The following NAA60 variants were observed in gnomAD, a reference collection of about 807,000 sequenced individuals.
NAA60 encodes the protein N-alpha-acetyltransferase 60, NatF catalytic subunit.
NAA60 carries 8 observed loss-of-function variants against 26.1 expected under a neutral mutation model. That is an observed-to-expected ratio of 0.31 (90% CI 0.18 to 0.55). The LOEUF is 0.55. Ranked by LOEUF, NAA60 falls within the 20% of genes least tolerant of loss-of-function variation. The probability of loss-of-function intolerance (pLI) is 0.93; values close to 1 mark genes in which losing one functional copy is unlikely to be tolerated. For missense variants in NAA60, 290 were observed against 311.3 expected (o/e 0.93, Z 0.51); for synonymous variants, 131 against 122.5 (o/e 1.07, Z -0.46).
rs1209043102 is a variant in NAA60, at chr16:3,458,010, G to T, written c.-7+9470G>T. 1.1e-5 allele frequency: 11 copies of T among 985,382 alleles called. No homozygotes were observed. In the Admixed American group the frequency reaches 1.8e-4, roughly 17 times the overall value. The allele number at this position is 985,382 out of a possible 1,614,324, so 61.0% of individuals were successfully genotyped here. A position where few individuals can be genotyped will look rare whatever the true frequency, so the allele number is the denominator to read the frequency against. The stretch of plus-strand genomic sequence containing the variant: ...AATGGGCTTCCGGGCTGCGCTGCCG[G>T]CAGGGAGCGGGAGGCGGAAGTGCCG... On this transcript the variant is annotated intron_variant, in intron 2 of 7. Coordinates refer to ENST00000407558, the MANE Select transcript of NAA60 (RefSeq NM_001083601.3).
chr16:3,457,484 C>G (rs1052685253), intron 2 of NAA60, among the ~76,000 whole-genome samples: 1 of 152,174 alleles, frequency 6.6e-6, no homozygotes, highest in Non-Finnish European at 1.5e-5. Flanking sequence ...TTATAGAACC[C>G]CTACAACCGG....
intron 5 of NAA60, 108 bp downstream of exon 5, chr16:3,482,706 C>G (rs911934481): frequency 1.9e-5 from 15 of 781,230 alleles, no homozygotes; most frequent in Non-Finnish European, 2.8e-5. Flanking sequence ...AACTCTGGCT[C>G]GTGAACATCC....
chr16:3,447,084 G>T (rs554416137), intron 1 of NAA60, among the ~76,000 whole-genome samples: 2 of 152,298 alleles, frequency 1.3e-5, no homozygotes, highest in South Asian at 2.1e-4. Context: ...CTTGTGATCT[G>T]CCCGCCTTGG....
intron 1 of NAA60, 80 bp from the exon 2 acceptor site, chr16:3,448,391 C>T (rs2034641320): frequency 8.4e-7 from 1 of 1,186,900 alleles, no homozygotes; most frequent in Admixed American, 2.3e-5. Context: ...CAGGGTTTGT[C>T]TGACACTCAT....
At chr16:3,469,388 A>G (rs376038795) in intron 2 of NAA60, among the ~76,000 whole-genome samples, 4 of 129,240 alleles carry the variant, frequency 3.1e-5, no homozygotes, top group Admixed American at 8.1e-5. Flanking sequence ...CCTGCCTGGC[A>G]GGGCCTGTCT....
intron 3 of NAA60, among the ~76,000 whole-genome samples, 187 bp downstream of exon 3, chr16:3,476,524 C>A (rs1017575487): frequency 2.0e-5 from 3 of 152,180 alleles, no homozygotes; most frequent in Admixed American, 1.3e-4. Context: ...CTCTTTCCAC[C>A]TCTCAGGGTG....
intron 7 of NAA60, 49 bp from the exon 8 acceptor site, chr16:3,485,418 A>C (rs976760827): frequency 2.2e-6 from 1 of 461,552 alleles, no homozygotes; most frequent in Non-Finnish European, 4.3e-6. Flanking sequence ...GGGTGGGCAG[A>C]GTGTCTCCGC....
intron 2 of NAA60, among the ~76,000 whole-genome samples, chr16:3,453,430 A>G (rs1325991839): frequency 6.6e-6 from 1 of 151,118 alleles, no homozygotes. Context: ...TTTTTTTTTG[A>G]GACAGAGTTT....
intron 1 of NAA60, among the ~76,000 whole-genome samples, chr16:3,444,289 G>A (rs1462881699): frequency 2.0e-5 from 3 of 152,252 alleles, no homozygotes; most frequent in African/African-American, 7.2e-5. Flanking sequence ...TCCTCCCCAA[G>A]CTCTGCCACT....
chr16:3,479,676 G>C (rs1361671980), intron 4 of NAA60, 76 bp downstream of exon 4: 5 of 1,541,240 alleles, frequency 3.2e-6, no homozygotes, highest in Non-Finnish European at 8.8e-7. Context: ...ATGGAATCAT[G>C]CTGCCTGCTC....
rs960154022 is a variant in NAA60, at chr16:3,486,732, G to A, written c.*1472G>A. The A allele has an allele frequency of 1.3e-5, 2 of 152,372 alleles. No individual in the cohort carries two copies. Among genetic ancestry groups the A allele is most frequent in the Non-Finnish European group, 2.9e-5 (2 of 68,156 alleles). 9.4% of individuals were successfully genotyped at this position (152,372 alleles called of 1,614,324 possible). A position where few individuals can be genotyped will look rare whatever the true frequency, so the allele number is the denominator to read the frequency against. On this transcript the variant is annotated 3_prime_UTR_variant, in exon 8 of 8. Transcript: ENST00000407558. Reference sequence around the variant, plus strand: ...GCCTGCCTGCCGGGCCCAGCTCAGCGCCCTCTCCACTGCGAATCAGTGGCG... The same window carrying A: ...GCCTGCCTGCCGGGCCCAGCTCAGCACCCTCTCCACTGCGAATCAGTGGCG...
At chr16:3,477,916 A>T (rs1035413923) in intron 3 of NAA60, among the ~76,000 whole-genome samples, 4 of 152,164 alleles carry the variant, frequency 2.6e-5, no homozygotes, top group African/African-American at 9.7e-5. Context: ...ATACAAAAAA[A>T]TTATCTGGGC....
At chr16:3,473,746 G>T (rs78587367) in intron 2 of NAA60, among the ~76,000 whole-genome samples, 9 of 141,402 alleles carry the variant, frequency 6.4e-5, no homozygotes, top group Non-Finnish European at 9.2e-5. Flanking sequence ...TGTTGTTGTT[G>T]TTTTTTGAGA....
At chr16:3,445,440 AT>A (rs369173294) in intron 1 of NAA60, among the ~76,000 whole-genome samples, 180 of 144,542 alleles carry the variant, frequency 1.2e-3, no homozygotes, top group South Asian at 2.6e-3. Context: ...CGTCCGGCTA[AT>A]TTTTTTTTTT....
intron 2 of NAA60, among the ~76,000 whole-genome samples, chr16:3,453,074 C>T (rs2034848156): frequency 6.6e-6 from 1 of 152,136 alleles, no homozygotes; most frequent in African/African-American, 2.4e-5. Flanking sequence ...AACTTTCTGG[C>T]AGGCAATCTA....
intron 2 of NAA60, among the ~76,000 whole-genome samples, chr16:3,474,002 C>T (rs117467815): frequency 0.015 from 2,301 of 150,144 alleles, 113 homozygotes; most frequent in Admixed American, 0.1. Context: ...CCAAAGTGCT[C>T]ATATTACAGG....
chr16:3,455,691 G>A (rs929103964), intron 2 of NAA60, among the ~76,000 whole-genome samples: 2 of 146,362 alleles, frequency 1.4e-5, no homozygotes, highest in Admixed American at 6.8e-5. Flanking sequence ...CACTGCACCC[G>A]GCCCAAGTTT....
rs1349950011 is a variant in NAA60, at chr16:3,484,747, C to T, written c.621C>T (p.Cys207=). 5.6e-6 allele frequency: 9 copies of T among 1,595,350 alleles called. No homozygotes were observed. The African/African-American group carries it at 8.1e-5, about 14-fold the overall frequency. The part of the protein sequence containing the change: ...LGSALASLSP[C]SIPHRVYRQA... ...CTGCACTAGCCAGCCTGAGCCCCTGCTCCATTCCGCACAGAGTCTACCGCC... is the reference window on the plus strand; with the variant it reads ...CTGCACTAGCCAGCCTGAGCCCCTGTTCCATTCCGCACAGAGTCTACCGCC... The change falls in exon 7 of 8, where the codon TGC becomes TGT. Residue 207 remains cysteine, a synonymous_variant. Transcript: ENST00000407558.
intron 2 of NAA60, among the ~76,000 whole-genome samples, chr16:3,451,301 A>G (rs1463830520): frequency 1.3e-5 from 2 of 152,236 alleles, no homozygotes; most frequent in East Asian, 1.9e-4. Flanking sequence ...CTCTGAATGG[A>G]TACCAGGAAA....
Sources: gnomAD v4.1 joint callset for allele counts (sites outside exome capture counted in the v4.1 genomes callset) on GRCh38, gnomAD v4.1.1 for gene constraint, MANE v1.5 for transcripts, NCBI Gene and HGNC (gene_info 2026-07-23, HGNC 2026-07-21) for gene names.